DGKB: variants seen among roughly 807,000 people sequenced by gnomAD.
DGKB encodes the protein diacylglycerol kinase beta, also known as 90 kDa diacylglycerol kinase.
Under a neutral mutation model 114.3 loss-of-function variants are expected in DGKB, and 67 were observed. The observed-to-expected ratio is 0.59, with a 90% CI of 0.48 to 0.72. DGKB has a LOEUF of 0.72. Among genes scored for constraint, DGKB ranks in the 30% least tolerant of loss-of-function variants. DGKB has a pLI of 0.00. For synonymous variants in DGKB, 398 were observed against 323.1 expected (o/e 1.23, Z -2.49); for missense variants, 907 against 975.2 (o/e 0.93, Z 0.93).
intron 2 of DGKB, among the ~76,000 whole-genome samples, chr7:14,823,206 C>A (rs916002933): frequency 6.6e-6 from 1 of 151,582 alleles, no homozygotes; most frequent in Non-Finnish European, 1.5e-5. Context: ...TACAATTAGG[C>A]AAATTAATGG....
intron 20 of DGKB, among the ~76,000 whole-genome samples, chr7:14,513,831 T>A (rs1788356847): frequency 6.6e-6 from 1 of 152,024 alleles, no homozygotes; most frequent in Non-Finnish European, 1.5e-5. Context: ...ATATGGATTG[T>A]TTTCTAAATA....
chr7:14,250,935 T>C (rs1276280678), intron 23 of DGKB, among the ~76,000 whole-genome samples: 2 of 152,218 alleles, frequency 1.3e-5, no homozygotes, highest in Non-Finnish European at 2.9e-5. Flanking sequence ...TTTCATCTTA[T>C]GTAAGCAGAG....
At chr7:14,166,199 C>A (rs1470860614) in intron 25 of DGKB, among the ~76,000 whole-genome samples, 1 of 152,174 alleles carries the variant, frequency 6.6e-6, no homozygotes, top group Non-Finnish European at 1.5e-5. Context: ...TCATTACTCG[C>A]CTATAGAAAT....
At chr7:14,944,052 A>G (rs1179878475) in intron 1 of DGKB, among the ~76,000 whole-genome samples, 1 of 151,896 alleles carries the variant, frequency 6.6e-6, no homozygotes, top group Non-Finnish European at 1.5e-5. Context: ...AAAGCTCATC[A>G]TCGATCCCAT....
chr7:14,750,486 T>C (rs1366618700), intron 4 of DGKB, among the ~76,000 whole-genome samples: 2 of 152,116 alleles, frequency 1.3e-5, no homozygotes, highest in Non-Finnish European at 2.9e-5. Context: ...CTGAAATGTG[T>C]TCAAATCTGC....
At chr7:14,741,463 A>G (rs762276324) in intron 4 of DGKB, among the ~76,000 whole-genome samples, 2 of 152,192 alleles carry the variant, frequency 1.3e-5, no homozygotes, top group Non-Finnish European at 1.5e-5. Flanking sequence ...CTAGGACCCC[A>G]TAGCCCACTA....
intron 17 of DGKB, among the ~76,000 whole-genome samples, chr7:14,597,065 G>A (rs1025641805): frequency 4.6e-5 from 7 of 152,016 alleles, no homozygotes; most frequent in African/African-American, 7.2e-5. Flanking sequence ...GCATAATACT[G>A]GTCAGAGACC....
chr7:14,694,586 A>C (rs1823481397), intron 8 of DGKB, among the ~76,000 whole-genome samples: 1 of 152,196 alleles, frequency 6.6e-6, no homozygotes, highest in Admixed American at 6.5e-5. Context: ...TTCTTTGCTA[A>C]GTAGTAAGGG....
At chr7:14,556,692 A>G (rs1218259022) in intron 20 of DGKB, among the ~76,000 whole-genome samples, 1 of 152,120 alleles carries the variant, frequency 6.6e-6, no homozygotes, top group East Asian at 1.9e-4. Flanking sequence ...AATAAACCCT[A>G]TTGGGTCAAT....
intron 1 of DGKB, among the ~76,000 whole-genome samples, chr7:14,962,648 G>GTGTC (rs1256703952): frequency 6.6e-6 from 1 of 151,572 alleles, no homozygotes; most frequent in Non-Finnish European, 1.5e-5. Context: ...GTGTGTGTGT[G>GTGTC]TGTGTGTGTG....
chr7:14,548,143 C>G (rs993429758), intron 20 of DGKB, among the ~76,000 whole-genome samples: 3 of 152,152 alleles, frequency 2.0e-5, no homozygotes, highest in East Asian at 1.9e-4. Flanking sequence ...CTAAAGAAGT[C>G]TGTCTAGCTT....
At chr7:14,511,378 C>T (rs1194361065) in intron 20 of DGKB, among the ~76,000 whole-genome samples, 1 of 152,154 alleles carries the variant, frequency 6.6e-6, no homozygotes, top group African/African-American at 2.4e-5. Flanking sequence ...GGCTTCTTTC[C>T]TTAAAACTCA....
At chr7:14,568,767 C>G (rs1467348161) in intron 20 of DGKB, among the ~76,000 whole-genome samples, 1 of 152,170 alleles carries the variant, frequency 6.6e-6, no homozygotes, top group African/African-American at 2.4e-5. Context: ...TGACCTCGGG[C>G]TTTCTAAAAA....
Position 14,694,094 on chromosome 7 carries a change from A to G in DGKB, c.692T>C (p.Val231Ala), listed in dbSNP as rs370151003. 4.4e-6 allele frequency: 7 copies of G among 1,590,758 alleles called. No individual in the cohort carries two copies. In the African/African-American group the frequency reaches 8.0e-5, roughly 18 times the overall value. Residue 231 changes from valine to alanine, a missense_variant, in exon 9 of 26, where the codon GTG (valine) becomes GCG (alanine). Coordinates refer to ENST00000402815, the MANE Select transcript of DGKB (RefSeq NM_001350709.2). ...GCTTACATTTTCTAAGCCCAGGAGC[A>G]CAAGAAGTGGAATCGTTGTCATTCC... ...QGGMTTIPLLVLLGLENNVKD... is the reference protein window; with the variant it reads ...QGGMTTIPLLALLGLENNVKD...
chr7:14,552,371 G>T (rs1368778610), intron 20 of DGKB, among the ~76,000 whole-genome samples: 1 of 152,138 alleles, frequency 6.6e-6, no homozygotes, highest in African/African-American at 2.4e-5. Flanking sequence ...CAATATTTTA[G>T]ATTTTTATAC....
chr7:14,736,642 A>G (rs1283853731), intron 4 of DGKB, among the ~76,000 whole-genome samples: 1 of 152,194 alleles, frequency 6.6e-6, no homozygotes, highest in Non-Finnish European at 1.5e-5. Context: ...TTTGCTTGTC[A>G]CTAATGGTGA....
intron 2 of DGKB, among the ~76,000 whole-genome samples, chr7:14,792,667 T>A (rs1840834777): frequency 6.6e-6 from 1 of 152,196 alleles, no homozygotes; most frequent in African/African-American, 2.4e-5. Flanking sequence ...GTTTGAAGAT[T>A]ATTTTGCAAA....
intron 13 of DGKB, among the ~76,000 whole-genome samples, chr7:14,645,925 C>T (rs746356822): frequency 7.9e-5 from 12 of 151,916 alleles, no homozygotes; most frequent in South Asian, 4.2e-4. Context: ...CTACAGAAAA[C>T]AAGCAAACTG....
At chr7:14,207,714 A>G (rs1450418898) in intron 23 of DGKB, among the ~76,000 whole-genome samples, 1 of 151,982 alleles carries the variant, frequency 6.6e-6, no homozygotes, top group Non-Finnish European at 1.5e-5. Flanking sequence ...AATGTGTCAA[A>G]ATAAAACTGT....
Sources: gnomAD v4.1 joint callset for allele counts (sites outside exome capture counted in the v4.1 genomes callset) on GRCh38, gnomAD v4.1.1 for gene constraint, MANE v1.5 for transcripts, NCBI Gene and HGNC (gene_info 2026-07-23, HGNC 2026-07-21) for gene names.